Variants in RAPGEF4 observed in about 807,000 individuals in gnomAD.
The protein encoded by RAPGEF4 is RAP guanine-nucleotide-exchange factor (GEF) 4.
In RAPGEF4, 66 loss-of-function variants were observed where a neutral mutation model predicts 147.9. That is an observed-to-expected ratio of 0.45 (90% CI 0.37 to 0.55). The LOEUF (loss-of-function observed/expected upper bound fraction) is 0.55, where lower values mean the gene tolerates loss of function less well. Among genes scored for constraint, RAPGEF4 ranks in the 20% least tolerant of loss-of-function variants. The pLI is 0.00. For synonymous variants in RAPGEF4, 419 were observed against 442.7 expected, an observed-to-expected ratio of 0.95 and a Z score of 0.67; for missense variants, 1,071 against 1,257.3, an observed-to-expected ratio of 0.85 and a Z score of 2.24.
chr2:172,948,565 GA>G (rs1687909359), intron 6 of RAPGEF4, among the ~76,000 whole-genome samples: 1 of 152,100 alleles, frequency 6.6e-6, no homozygotes, highest in Non-Finnish European at 1.5e-5. Flanking sequence ...TGATCTAAAG[GA>G]AATATAAAGG....
intron 4 of RAPGEF4, among the ~76,000 whole-genome samples, chr2:172,870,952 G>T (rs1036999659): frequency 3.3e-5 from 5 of 152,036 alleles, no homozygotes; most frequent in African/African-American, 1.2e-4. Context: ...TAAATTTTTG[G>T]TATAAAACTT....
intron 4 of RAPGEF4, among the ~76,000 whole-genome samples, chr2:172,829,974 C>A (rs1339965591): frequency 6.6e-6 from 1 of 151,510 alleles, no homozygotes; most frequent in Non-Finnish European, 1.5e-5. Context: ...CATATATATT[C>A]CATATATAAT....
chr2:172,961,100 C>T, intron 7 of RAPGEF4, 22 bp from the exon 8 acceptor site: 1 of 1,514,650 alleles, frequency 6.6e-7, no homozygotes, highest in Non-Finnish European at 9.2e-7. Flanking sequence ...TCCTCCCCTC[C>T]TTCCACCTGA....
At chr2:173,017,770 G>A (rs1695645294) in intron 21 of RAPGEF4, among the ~76,000 whole-genome samples, 1 of 152,082 alleles carries the variant, frequency 6.6e-6, no homozygotes, top group Admixed American at 6.6e-5. Context: ...TGATCTCAGG[G>A]CCTGGTTGTC....
intron 4 of RAPGEF4, among the ~76,000 whole-genome samples, chr2:172,863,422 A>G (rs1309415813): frequency 6.6e-6 from 1 of 152,210 alleles, no homozygotes; most frequent in Non-Finnish European, 1.5e-5. Context: ...AAGACCCACA[A>G]TCATCAAATA....
chr2:172,770,361 G>A (rs1697237865), intron 1 of RAPGEF4, among the ~76,000 whole-genome samples: 1 of 152,148 alleles, frequency 6.6e-6, no homozygotes, highest in South Asian at 2.1e-4. Context: ...GGAGATTTAG[G>A]GGAAGTTCCC....
At chr2:172,874,968 A>G (rs917236262) in intron 4 of RAPGEF4, among the ~76,000 whole-genome samples, 12 of 152,042 alleles carry the variant, frequency 7.9e-5, no homozygotes, top group African/African-American at 2.4e-4. Flanking sequence ...ATCTCATTGC[A>G]GTTTTGATTT....
intron 10 of RAPGEF4, among the ~76,000 whole-genome samples, chr2:172,982,878 C>T (rs936462601): frequency 6.6e-6 from 1 of 152,158 alleles, no homozygotes; most frequent in African/African-American, 2.4e-5. Context: ...TACCTCCCTT[C>T]TTGCCTTCTC....
At chr2:172,995,220 T>C (rs916167317) in intron 15 of RAPGEF4, among the ~76,000 whole-genome samples, 1 of 151,522 alleles carries the variant, frequency 6.6e-6, no homozygotes, top group African/African-American at 2.4e-5. Flanking sequence ...CAATTTTATT[T>C]TCATTGTTGT....
At chr2:172,912,161 G>C (rs1399024730) in intron 4 of RAPGEF4, among the ~76,000 whole-genome samples, 1 of 152,138 alleles carries the variant, frequency 6.6e-6, no homozygotes, top group Admixed American at 6.5e-5. Context: ...TTCTCAGCCT[G>C]CTTCCTGCTC....
At chr2:172,884,312 A>C (rs1171396126) in intron 4 of RAPGEF4, among the ~76,000 whole-genome samples, 1 of 152,238 alleles carries the variant, frequency 6.6e-6, no homozygotes, top group East Asian at 1.9e-4. Context: ...TTGGATAACC[A>C]ACAGTTTTAT....
At chr2:172,981,237 G>A (rs577064705) in intron 10 of RAPGEF4, among the ~76,000 whole-genome samples, 9 of 152,308 alleles carry the variant, frequency 5.9e-5, no homozygotes, top group African/African-American at 1.4e-4. Context: ...ATGTCAAGTA[G>A]CAAGAACAGC....
intron 1 of RAPGEF4, among the ~76,000 whole-genome samples, chr2:172,749,728 G>T (rs1695097642): frequency 6.6e-6 from 1 of 152,134 alleles, no homozygotes; most frequent in South Asian, 2.1e-4. Context: ...TCAGAAAATG[G>T]GCTTTTCTTT....
intron 17 of RAPGEF4, among the ~76,000 whole-genome samples, chr2:173,012,060 C>T (rs1224684667): frequency 6.6e-6 from 1 of 152,166 alleles, no homozygotes; most frequent in Non-Finnish European, 1.5e-5. Flanking sequence ...TATAGAGTAA[C>T]TTAGGGCACA....
chr2:172,967,548 C>T lies in RAPGEF4; in HGVS notation c.1004+104C>T, dbSNP rs1689981043. 1.1e-5 allele frequency: 13 copies of T among 1,228,538 alleles called. No individual in the cohort carries two copies. The South Asian group carries it at 2.2e-4, about 21-fold the overall frequency. The allele number at this position is 1,228,538 out of a possible 1,614,324, so 76.1% of individuals were successfully genotyped here. A position where few individuals can be genotyped will look rare whatever the true frequency, so the allele number is the denominator to read the frequency against. On this transcript the variant is annotated intron_variant, in intron 10 of 30. Transcript: ENST00000397081. ...GGCTGCTCTCAAAAGCCCTGGCCAT[C>T]CCCCATGGAACAAAAGGGAGCAGCT...
In RAPGEF4 at chr2:172,991,302, T is replaced by C. The variant is rs553105130; in HGVS notation, c.1490+377T>C. On this transcript the variant is annotated intron_variant, in intron 15 of 30. Coordinates refer to ENST00000397081, the MANE Select transcript of RAPGEF4 (RefSeq NM_007023.4). Reference sequence around the variant, plus strand: ...GAGAACTTTTGGTATTTGAATTTCGTATGCAGGATTTCGCGTGAAGTGTTT... The same window carrying C: ...GAGAACTTTTGGTATTTGAATTTCGCATGCAGGATTTCGCGTGAAGTGTTT... Among the ~76,000 whole-genome samples, 3 of 152,318 alleles carry C rather than the reference T, an allele frequency of 2.0e-5. No individual in the cohort carries two copies. The South Asian group carries it at 6.2e-4, about 32-fold the overall frequency.
chr2:172,853,876 T>C (rs1693127759), intron 4 of RAPGEF4, among the ~76,000 whole-genome samples: 7 of 151,488 alleles, frequency 4.6e-5, no homozygotes, highest in Admixed American at 3.9e-4. Flanking sequence ...TTTAATTAAA[T>C]TGTGGTCCGA....
chr2:172,766,781 T>A (rs867721134), intron 1 of RAPGEF4, among the ~76,000 whole-genome samples: 2 of 152,220 alleles, frequency 1.3e-5, no homozygotes, highest in African/African-American at 4.8e-5. Flanking sequence ...GTTTAATAGA[T>A]ACTCTTTTCT....
At chr2:173,027,343 A>C in intron 25 of RAPGEF4, 84 bp downstream of exon 25, 1 of 1,212,008 alleles carries the variant, frequency 8.3e-7, no homozygotes, top group Non-Finnish European at 1.1e-6. Context: ...CTTAAAAAGA[A>C]AAGCAGGATC....
Sources: allele counts gnomAD v4.1 joint callset (sites outside exome capture counted in the v4.1 genomes callset), GRCh38; gene constraint gnomAD v4.1.1; transcripts MANE v1.5; gene names NCBI Gene and HGNC (gene_info 2026-07-23, HGNC 2026-07-21).